Variants in UBE2E2 observed in about 807,000 individuals in gnomAD.
UBE2E2 encodes the protein ubiquitin-conjugating enzyme E2 E2.
In UBE2E2, 6 loss-of-function variants were observed where a neutral mutation model predicts 24.7. The observed-to-expected ratio is 0.24, with a 90% CI of 0.13 to 0.48. The LOEUF (loss-of-function observed/expected upper bound fraction) is 0.48. UBE2E2 is among the 20% of genes least tolerant of loss of function. The probability of loss-of-function intolerance (pLI) is 0.99; values close to 1 mark genes in which losing one functional copy is unlikely to be tolerated. For synonymous variants in UBE2E2, 104 were observed against 83.6 expected (o/e 1.24, Z -1.33); for missense variants, 169 against 245.0 (o/e 0.69, Z 2.07).
At chr3:23,258,783 C>T (rs948028598) in intron 3 of UBE2E2, among the ~76,000 whole-genome samples, 4 of 150,790 alleles carry the variant, frequency 2.7e-5, no homozygotes, top group Admixed American at 1.3e-4. Context: ...GTCCCAGCTA[C>T]TCGGGAGGCT....
chr3:23,271,223 C>T (rs149929612), intron 3 of UBE2E2: 196 of 377,756 alleles, frequency 5.2e-4, no homozygotes, highest in African/African-American at 3.8e-3. Context: ...CGGACCCTCG[C>T]GGTGAGTGTT....
chr3:23,244,812 A>G (rs1278716467), intron 3 of UBE2E2, among the ~76,000 whole-genome samples: 1 of 152,182 alleles, frequency 6.6e-6, no homozygotes, highest in Non-Finnish European at 1.5e-5. Flanking sequence ...GTTCTGAAAT[A>G]CTTTGAGCTC....
chr3:23,263,606 T>C (rs547875319), intron 3 of UBE2E2, among the ~76,000 whole-genome samples: 3 of 152,316 alleles, frequency 2.0e-5, no homozygotes, highest in East Asian at 3.9e-4. Context: ...GCCTTTCGTT[T>C]AAGAGCTACA....
In UBE2E2 at chr3:23,556,992, G is replaced by A. The variant is rs544156711; in HGVS notation, c.508+24291G>A. On this transcript the variant is annotated intron_variant, in intron 5 of 5. Coordinates refer to ENST00000396703, the MANE Select transcript of UBE2E2 (RefSeq NM_152653.4). ...ATCTAAACAATTGCCAAGTCCCTTCGGCACATTTCTCATCACAGACATATC... is the reference window on the plus strand; with the variant it reads ...ATCTAAACAATTGCCAAGTCCCTTCAGCACATTTCTCATCACAGACATATC... 2.6e-5 allele frequency among the ~76,000 whole-genome samples: 4 copies of A among 152,040 alleles called. No individual in the cohort carries two copies. In the South Asian group the frequency reaches 8.3e-4, roughly 32 times the overall value.
At chr3:23,220,662 C>G (rs1004909738) in intron 3 of UBE2E2, among the ~76,000 whole-genome samples, 2 of 152,182 alleles carry the variant, frequency 1.3e-5, no homozygotes, top group African/African-American at 4.8e-5. Flanking sequence ...TGTTTTCATA[C>G]TACTGCTGAG....
chr3:23,379,477 G>A (rs1696609892), intron 3 of UBE2E2, among the ~76,000 whole-genome samples: 1 of 142,466 alleles, frequency 7.0e-6, no homozygotes, highest in Admixed American at 7.7e-5. Flanking sequence ...TCCCACCTAT[G>A]AGTGAGAATA....
chr3:23,203,193 C>T (rs1696006160), upstream of UBE2E2: 1 of 985,946 alleles, frequency 1.0e-6, no homozygotes, highest in Non-Finnish European at 1.2e-6. Flanking sequence ...GCCACAGCGA[C>T]AGCCGCGGGC....
At chr3:23,532,723 A>G (rs555301021) in intron 5 of UBE2E2, 22 bp downstream of exon 5, 16 of 1,497,758 alleles carry the variant, frequency 1.1e-5, no homozygotes, top group Admixed American at 1.0e-4. Flanking sequence ...TAAATCTAGT[A>G]TGAATTGGAG....
At chr3:23,453,053 A>C (rs1455648733) in intron 3 of UBE2E2, among the ~76,000 whole-genome samples, 1 of 152,198 alleles carries the variant, frequency 6.6e-6, no homozygotes, top group African/African-American at 2.4e-5. Flanking sequence ...TGCTCTTCAA[A>C]GTAAATGATA....
At chr3:23,429,895 A>T (rs930382677) in intron 3 of UBE2E2, among the ~76,000 whole-genome samples, 1 of 152,196 alleles carries the variant, frequency 6.6e-6, no homozygotes, top group African/African-American at 2.4e-5. Flanking sequence ...GAATTTATTT[A>T]TTTGAGATGG....
chr3:23,295,838 A>G (rs1422780054), intron 3 of UBE2E2, among the ~76,000 whole-genome samples: 1 of 152,180 alleles, frequency 6.6e-6, no homozygotes, highest in Admixed American at 6.5e-5. Flanking sequence ...ATTTGTATAT[A>G]TATTGTTGGG....
intron 3 of UBE2E2, among the ~76,000 whole-genome samples, chr3:23,380,884 C>G (rs796453553): frequency 2.0e-5 from 3 of 152,134 alleles, no homozygotes; most frequent in Non-Finnish European, 4.4e-5. Flanking sequence ...GAATTCCAAG[C>G]TCTAAGCACT....
At chr3:23,276,667 T>C in intron 3 of UBE2E2, among the ~76,000 whole-genome samples, 1 of 152,044 alleles carries the variant, frequency 6.6e-6, no homozygotes, top group Non-Finnish European at 1.5e-5. Flanking sequence ...AAATCACAAG[T>C]AGAGTGTGGG....
intron 3 of UBE2E2, among the ~76,000 whole-genome samples, chr3:23,265,652 T>C (rs1479499286): frequency 3.3e-5 from 5 of 152,122 alleles, no homozygotes; most frequent in African/African-American, 4.8e-5. Flanking sequence ...CAGGGAACCA[T>C]TGGTAAGGAT....
At chr3:23,268,515 A>C (rs1427944761) in intron 3 of UBE2E2, among the ~76,000 whole-genome samples, 1 of 149,342 alleles carries the variant, frequency 6.7e-6, no homozygotes, top group Non-Finnish European at 1.5e-5. Context: ...GGACCTCTTC[A>C]AGGAGAACCA....
chr3:23,498,706 A>G (rs1699657729), intron 3 of UBE2E2, among the ~76,000 whole-genome samples: 2 of 152,158 alleles, frequency 1.3e-5, no homozygotes. Flanking sequence ...TCTAGGGGCC[A>G]GGTGTGGTCC....
chr3:23,538,958 TG>T (rs934143187), intron 5 of UBE2E2, among the ~76,000 whole-genome samples: 5 of 152,188 alleles, frequency 3.3e-5, no homozygotes, highest in Admixed American at 6.5e-5. Context: ...TCCATTAGTT[TG>T]TAGCACTTTT....
At chr3:23,321,531 T>G (rs192127201) in intron 3 of UBE2E2, among the ~76,000 whole-genome samples, 1 of 151,556 alleles carries the variant, frequency 6.6e-6, no homozygotes, top group Non-Finnish European at 1.5e-5. Flanking sequence ...CACCAGCTGC[T>G]AAATCTCCTA....
At chr3:23,349,796 C>G (rs543060168) in intron 3 of UBE2E2, among the ~76,000 whole-genome samples, 2 of 152,376 alleles carry the variant, frequency 1.3e-5, no homozygotes, top group South Asian at 4.1e-4. Flanking sequence ...GGCTCCACCC[C>G]TGGGGGCAGG....
Sources: allele counts gnomAD v4.1 joint callset (sites outside exome capture counted in the v4.1 genomes callset), GRCh38; gene constraint gnomAD v4.1.1; transcripts MANE v1.5; gene names NCBI Gene and HGNC (gene_info 2026-07-23, HGNC 2026-07-21).